MED27: variants seen among roughly 807,000 people sequenced by gnomAD.
MED27 encodes mediator of RNA polymerase II transcription subunit 27.
Under a neutral mutation model 38.2 loss-of-function variants are expected in MED27, and 30 were observed. The ratio of observed to expected loss-of-function variants is 0.79; its 90% CI spans 0.59 to 1.07. MED27 has a LOEUF of 1.07. Ranked by LOEUF, MED27 falls within the 50% of genes least tolerant of loss-of-function variation. The pLI is 0.00. For missense variants in MED27, 289 were observed against 397.5 expected (o/e 0.73, Z 2.32); for synonymous variants, 122 against 153.5 (o/e 0.79, Z 1.52).
intron 2 of MED27, among the ~76,000 whole-genome samples, chr9:132,066,147 A>G (rs1833804274): frequency 6.6e-6 from 1 of 152,256 alleles, no homozygotes; most frequent in African/African-American, 2.4e-5. Context: ...GGCCAGACCC[A>G]TAGAGCAGGC....
intron 2 of MED27, among the ~76,000 whole-genome samples, chr9:132,065,424 C>G (rs140782083): frequency 6.6e-6 from 1 of 152,038 alleles, no homozygotes; most frequent in African/African-American, 2.4e-5. Flanking sequence ...TGACCAAGTA[C>G]GATTCCTGTT....
In MED27 at chr9:131,913,873, G is replaced by A. The variant is rs184451909; in HGVS notation, c.574-19881C>T. On this transcript the variant is annotated intron_variant, in intron 4 of 7. Coordinates refer to ENST00000292035, the MANE Select transcript of MED27 (RefSeq NM_004269.4). The surrounding 1 kb of genome is among the most constrained non-coding windows in gnomAD (Gnocchi z 4.5). ...GGTACCAAACGCAGGACAGCACTCT[G>A]CCAGTCTTTGCTGAATGGCACAACC... Among the ~76,000 whole-genome samples the A allele has an allele frequency of 3.6e-3, 550 of 152,330 alleles. 5 individuals carry two copies. Among genetic ancestry groups the A allele is most frequent in the Non-Finnish European group, 5.1e-3 (344 of 68,036 alleles).
intron 3 of MED27, among the ~76,000 whole-genome samples, chr9:131,966,383 C>CACAAAAAAAAAAAAAAAAAA (rs1554761550): frequency 2.7e-5 from 1 of 36,776 alleles, no homozygotes; most frequent in African/African-American, 1.6e-4. Context: ...GACCCTGTCA[C>CACAAAAAAAAAAAAAAAAAA]AAAAAAAAAA....
At chr9:132,019,948 C>T (rs566593245) in intron 2 of MED27, among the ~76,000 whole-genome samples, 2 of 152,218 alleles carry the variant, frequency 1.3e-5, no homozygotes, top group Non-Finnish European at 2.9e-5. Context: ...ATGCTTTTCC[C>T]TCCCACTGAC....
At chr9:131,974,005 G>GCA (rs1564307600) in intron 3 of MED27, among the ~76,000 whole-genome samples, 1 of 151,890 alleles carries the variant, frequency 6.6e-6, no homozygotes, top group African/African-American at 2.4e-5. Context: ...GAGCCACCGT[G>GCA]CCCGGCCTAC....
At chr9:132,006,150 A>T (rs1439826894) in intron 3 of MED27, among the ~76,000 whole-genome samples, 1 of 152,164 alleles carries the variant, frequency 6.6e-6, no homozygotes, top group Non-Finnish European at 1.5e-5. Flanking sequence ...AACGCAGGAA[A>T]CTTACAGCTG....
At chr9:132,022,737 G>A (rs1346331633) in intron 2 of MED27, among the ~76,000 whole-genome samples, 2 of 152,192 alleles carry the variant, frequency 1.3e-5, no homozygotes, top group Non-Finnish European at 2.9e-5. Context: ...CCACATGACT[G>A]GAGAGGCCTC....
rs1399162851 is a variant in MED27 at position 131,973,459 on chromosome 9, T to TTC, written c.480-33986_480-33985insGA. Among the ~76,000 whole-genome samples, 856 of 139,518 alleles carry TTC rather than the reference T, an allele frequency of 6.1e-3. 4 individuals are homozygous for TTC. The highest frequency in any genetic ancestry group is 0.023 in the African/African-American group (808 of 35,412). 91.5% of individuals were successfully genotyped at this position (139,518 alleles called of 152,430 possible). A position where few individuals can be genotyped will look rare whatever the true frequency, so the allele number is the denominator to read the frequency against. ...TTTTCTTTTTTTCTTTTTCTTTTCT[T>TTC]TTTTTTTTTTTTTTTTTGAGATAGA... On this transcript the variant is annotated intron_variant, in intron 3 of 7. Coordinates refer to ENST00000292035, the MANE Select transcript of MED27 (RefSeq NM_004269.4).
intron 2 of MED27, among the ~76,000 whole-genome samples, chr9:132,059,503 C>A (rs1430489039): frequency 6.6e-6 from 1 of 152,246 alleles, no homozygotes; most frequent in Non-Finnish European, 1.5e-5. Context: ...CGCCTCACAG[C>A]CACCAGCTCA....
At chr9:132,055,899 T>C (rs1268562299) in intron 2 of MED27, among the ~76,000 whole-genome samples, 1 of 152,222 alleles carries the variant, frequency 6.6e-6, no homozygotes, top group Non-Finnish European at 1.5e-5. Context: ...ATTTAATTCA[T>C]TGAAGCCTTA....
intron 3 of MED27, among the ~76,000 whole-genome samples, chr9:131,946,832 G>T (rs1589227336): frequency 6.6e-6 from 1 of 152,166 alleles, no homozygotes; most frequent in East Asian, 1.9e-4. Flanking sequence ...CCGTCTTTGA[G>T]TTTTCATCTT....
At chr9:131,865,530 T>A (rs1419254958) in intron 6 of MED27, among the ~76,000 whole-genome samples, 1 of 152,220 alleles carries the variant, frequency 6.6e-6, no homozygotes. Context: ...TTCTGGAGAA[T>A]TCTTTCCCCT....
At position 132,079,831 on chromosome 9, in the gene MED27, A is replaced by G; in HGVS notation, c.14T>C (p.Ile5Thr). 7 of 1,594,868 alleles carry G rather than the reference A, an allele frequency of 4.4e-6. No individual in the cohort carries two copies. The highest frequency in any genetic ancestry group is 1.1e-5 in the South Asian group (1 of 89,446). Residue 5 changes from isoleucine (I) to threonine (T), a missense_variant, in exon 1 of 8, where the codon ATA becomes ACA. By Grantham distance (89) the Ile-to-Thr change is moderately conservative. Coordinates refer to ENST00000292035, the MANE Select transcript of MED27 (RefSeq NM_004269.4). ...GGCCTCCAGGTTCACACTGACATTT[A>G]TCACGTCCGCCATGTTGCCGCCGCC... is the stretch of plus-strand genomic sequence containing the variant. Reference protein sequence around the residue: MADVINVSVNLEAFS... With the variant: MADVTNVSVNLEAFS...
chr9:132,045,870 G>T (rs1231727865), intron 2 of MED27, among the ~76,000 whole-genome samples: 3 of 152,196 alleles, frequency 2.0e-5, no homozygotes, highest in Non-Finnish European at 4.4e-5. Flanking sequence ...TAAAGCTCAT[G>T]AGTGTTCTCT....
chr9:131,903,418 T>C lies in MED27; in HGVS notation c.574-9426A>G, dbSNP rs577216768. On this transcript the variant is annotated intron_variant, in intron 4 of 7. Transcript: ENST00000292035. ...GAATTATGGGAGCTACAAGATGAGA[T>C]TTGGGTGGGGACACAGAGCCAAACC... Among the ~76,000 whole-genome samples the C allele has an allele frequency of 3.3e-5, 5 of 152,202 alleles. No individual in the cohort carries two copies. The South Asian group carries it at 1.0e-3, about 32-fold the overall frequency.
chr9:131,868,864 T>C (rs1003475043), intron 6 of MED27: 1 of 985,486 alleles, frequency 1.0e-6, no homozygotes, highest in African/African-American at 1.7e-5. Flanking sequence ...ATGTGCCTGC[T>C]GTAGCACAGG....
chr9:131,930,620 G>T (rs1284235225), intron 4 of MED27, among the ~76,000 whole-genome samples: 18 of 152,164 alleles, frequency 1.2e-4, no homozygotes, highest in Non-Finnish European at 1.5e-5. Flanking sequence ...GCTAAAGGGA[G>T]TTCTTCAATC....
At chr9:131,956,963 T>A (rs978798634) in intron 3 of MED27, among the ~76,000 whole-genome samples, 11 of 152,170 alleles carry the variant, frequency 7.2e-5, no homozygotes, top group Admixed American at 2.0e-4. Context: ...TCAACATCAA[T>A]AATCAAAGGA....
intron 6 of MED27, among the ~76,000 whole-genome samples, chr9:131,876,953 T>C (rs1838945515): frequency 6.6e-6 from 1 of 152,204 alleles, no homozygotes; most frequent in Non-Finnish European, 1.5e-5. Context: ...CCACATTCTG[T>C]CCTTACAACA....
Sources: gnomAD v4.1 joint callset for allele counts (sites outside exome capture counted in the v4.1 genomes callset) on GRCh38, gnomAD v4.1.1 for gene constraint, Gnocchi (gnomAD v3.1) non-coding constraint, MANE v1.5 for transcripts, NCBI Gene and HGNC (gene_info 2026-07-23, HGNC 2026-07-21) for gene names.